MYOF: variants seen among roughly 807,000 people sequenced by gnomAD.
The protein encoded by MYOF is myoferlin, also known as fer-1-like 3, myoferlin.
In MYOF, 244 loss-of-function variants were observed where a neutral mutation model predicts 284.2. The ratio of observed to expected loss-of-function variants is 0.86; its 90% confidence interval spans 0.77 to 0.95. The LOEUF is 0.95. Among genes scored for constraint, MYOF ranks in the 40% least tolerant of loss-of-function variants. The pLI, the probability that MYOF is intolerant of heterozygous loss-of-function variation, is 0.00. For synonymous variants in MYOF, 904 were observed against 919.7 expected, an observed-to-expected ratio of 0.98 and a Z score of 0.31; for missense variants, 2,496 against 2,560.6, an observed-to-expected ratio of 0.97 and a Z score of 0.54.
intron 51 of MYOF, 30 bp from the exon 52 acceptor site, chr10:93,310,673 T>C: frequency 6.3e-7 from 1 of 1,582,888 alleles, no homozygotes; most frequent in East Asian, 2.2e-5. Context: ...GTTAAACATA[T>C]GACATCATGT....
intron 35 of MYOF, 124 bp downstream of exon 35, chr10:93,351,073 A>G (rs1309000925): frequency 1.9e-6 from 2 of 1,038,666 alleles, no homozygotes; most frequent in East Asian, 2.6e-5. Context: ...TTTTTGGACA[A>G]GTTGTAAAGG....
At chr10:93,474,743 A>C (rs1425841783) in intron 1 of MYOF, among the ~76,000 whole-genome samples, 1 of 128,130 alleles carries the variant, frequency 7.8e-6, no homozygotes. Context: ...AGAACACTGA[A>C]GCTGATTTTT....
At position 93,373,122 on chromosome 10, in the gene MYOF, C is replaced by T; in HGVS notation, c.2302-37G>A. ...GATTGGATGGAAGAGGAAGCACAGC[C>T]ATGGTTAGTCTAAATGGAGAGGGAC... On this transcript the variant is annotated intron_variant, in intron 23 of 53. Coordinates refer to ENST00000359263, the MANE Select transcript of MYOF (RefSeq NM_013451.4). The T allele has an allele frequency of 1.2e-6, 2 of 1,613,568 alleles. 1 individual carries two copies. Among genetic ancestry groups the T allele is most frequent in the Middle Eastern group, 3.3e-4 (2 of 6,058 alleles).
chr10:93,317,957 C>G (rs1418968876), intron 49 of MYOF, among the ~76,000 whole-genome samples: 1 of 152,178 alleles, frequency 6.6e-6, no homozygotes, highest in Non-Finnish European at 1.5e-5. Context: ...CGGCAGCCCA[C>G]TCTGCTGTTA....
intron 37 of MYOF, among the ~76,000 whole-genome samples, chr10:93,346,812 G>C (rs1044435180): frequency 5.3e-5 from 8 of 152,138 alleles, no homozygotes; most frequent in African/African-American, 1.9e-4. Flanking sequence ...CTTTGTGAGA[G>C]GGGAACATGC....
rs17108594 is a variant in MYOF at position 93,389,078 on chromosome 10, T to C, written c.1533A>G (p.Arg511=). The C allele has an allele frequency of 0.052, 84,142 of 1,614,014 alleles. 2,548 individuals are homozygous for C. The highest frequency in any genetic ancestry group is 0.13 in the African/African-American group (9,828 of 75,038). The change falls in exon 18 of 54, where the codon AGA becomes AGG. Residue 511 remains arginine (R), a synonymous_variant. Coordinates refer to ENST00000359263, the MANE Select transcript of MYOF (RefSeq NM_013451.4). ...PCYLNLYGSP[R]EYTGFPDPYD... ...AGGGGTCTGGGAATCCCGTGTACTC[T>C]CTGGGGCTTCCATAAAGATTCAGGT...
chr10:93,475,687 T>C (rs2057244295), intron 1 of MYOF, among the ~76,000 whole-genome samples: 1 of 152,178 alleles, frequency 6.6e-6, no homozygotes, highest in African/African-American at 2.4e-5. Context: ...GCAGAGGATA[T>C]AACAATCCCA....
chr10:93,425,961 CAGGGAGCT>C, intron 5 of MYOF, 102 bp downstream of exon 5: 1 of 1,123,992 alleles, frequency 8.9e-7, no homozygotes, highest in South Asian at 1.4e-5. Context: ...TCTGGGTGGG[CAGGGAGCT>C]ACAGGCTTGT....
chr10:93,329,886 A>C, intron 43 of MYOF, 52 bp from the exon 44 acceptor site: 22 of 1,585,778 alleles, frequency 1.4e-5, no homozygotes, highest in African/African-American at 2.7e-5. Context: ...TGAGTACCTC[A>C]CAAAAACTGG....
chr10:93,376,606 A>C (rs918675141), intron 22 of MYOF, among the ~76,000 whole-genome samples: 6 of 138,040 alleles, frequency 4.3e-5, no homozygotes, highest in Admixed American at 3.8e-4. Context: ...GTGTTAGCCC[A>C]GTGTGGGGAA....
intron 35 of MYOF, 109 bp from the exon 36 acceptor site, chr10:93,350,078 A>G: frequency 1.8e-6 from 2 of 1,112,346 alleles, no homozygotes; most frequent in Non-Finnish European, 1.3e-6. Context: ...GATTAATTTG[A>G]ACATTATCCT....
intron 3 of MYOF, among the ~76,000 whole-genome samples, chr10:93,448,761 A>G (rs1305698658): frequency 2.6e-5 from 4 of 152,162 alleles, no homozygotes; most frequent in Non-Finnish European, 5.9e-5. Flanking sequence ...TTGGGAGACC[A>G]AGGTGGGCAG....
intron 5 of MYOF, among the ~76,000 whole-genome samples, chr10:93,420,050 T>C (rs1209363673): frequency 6.6e-6 from 1 of 152,110 alleles, no homozygotes; most frequent in African/African-American, 2.4e-5. Flanking sequence ...GGAGAATCCC[T>C]TGAACCCAGG....
Position 93,377,521 on chromosome 10 carries a change from T to C in MYOF, c.2002-92A>G, listed in dbSNP as rs1418270386. Reference sequence around the variant, plus strand: ...AGTTTAACCTGTGAAATCATGTAAATATTTTTGTATATTCAAAAAACAAAT... The same window carrying C: ...AGTTTAACCTGTGAAATCATGTAAACATTTTTGTATATTCAAAAAACAAAT... On this transcript the variant is annotated intron_variant, in intron 21 of 53. Transcript: ENST00000359263. The C allele has an allele frequency of 2.6e-5, 23 of 898,910 alleles. No individual in the cohort carries two copies. In the East Asian group the frequency reaches 5.6e-4, roughly 22 times the overall value. The allele number at this position is 898,910 out of a possible 1,614,324, so 55.7% of individuals were successfully genotyped here.
At chr10:93,443,926 C>T (rs761727021) in intron 3 of MYOF, among the ~76,000 whole-genome samples, 6 of 152,302 alleles carry the variant, frequency 3.9e-5, no homozygotes, top group South Asian at 2.1e-4. Flanking sequence ...GGTCTCTAAT[C>T]GGCTTCTGCC....
chr10:93,408,112 A>C (rs1847701931), intron 7 of MYOF, among the ~76,000 whole-genome samples: 1 of 151,328 alleles, frequency 6.6e-6, no homozygotes, highest in Non-Finnish European at 1.5e-5. Context: ...GGGCTCAAGC[A>C]CTCCTCCCGT....
At chr10:93,378,535 C>G (rs1339968432) in intron 21 of MYOF, among the ~76,000 whole-genome samples, 1 of 151,172 alleles carries the variant, frequency 6.6e-6, no homozygotes, top group Non-Finnish European at 1.5e-5. Flanking sequence ...CTCCTGAAAC[C>G]CCATATGTTT....
intron 10 of MYOF, 24 bp downstream of exon 10, chr10:93,402,836 A>G: frequency 1.3e-6 from 2 of 1,598,522 alleles, no homozygotes; most frequent in Non-Finnish European, 1.7e-6. Context: ...AAGACTTCAT[A>G]TTGATGGGGA....
intron 17 of MYOF, among the ~76,000 whole-genome samples, chr10:93,389,979 G>A (rs1322010051): frequency 1.3e-5 from 2 of 152,172 alleles, no homozygotes; most frequent in Non-Finnish European, 2.9e-5. Context: ...TCTGTATAAG[G>A]CAGAACTTTC....
Sources: gnomAD v4.1 joint callset for allele counts (sites outside exome capture counted in the v4.1 genomes callset) on GRCh38, gnomAD v4.1.1 for gene constraint, MANE v1.5 for transcripts, NCBI Gene and HGNC (gene_info 2026-07-23, HGNC 2026-07-21) for gene names.